TBC1D16: variants seen among roughly 807,000 people sequenced by gnomAD.
TBC1D16 encodes the protein TBC1 domain family member 16.
In TBC1D16, 58 loss-of-function variants were observed where a neutral mutation model predicts 74.7. That is an observed-to-expected ratio of 0.78 (90% CI 0.63 to 0.97). The LOEUF is 0.97. TBC1D16 is among the 50% of genes least tolerant of loss of function. The pLI is 0.00. For missense variants in TBC1D16, 1,014 were observed against 1,079.5 expected (o/e 0.94, Z 0.85); for synonymous variants, 493 against 474.7 (o/e 1.04, Z -0.50).
At position 80,013,419 on chromosome 17, in the gene TBC1D16, A is replaced by G. The variant is rs1373797761; in HGVS notation, c.129T>C (p.Asn43=). The G allele has an allele frequency of 3.1e-6, 5 of 1,608,412 alleles. No homozygotes were observed. Among genetic ancestry groups the G allele is most frequent in the Admixed American group, 3.4e-5 (2 of 59,326 alleles). ...GCCCCTCCGGCGGGTGCACGCAGAC[A>G]TTGTTCTTGGAGTAGATGATCTCTC... ...LDGEIIYSKN[N]VCVHPPEGLQ... The change falls in exon 2 of 12, where the codon AAT becomes AAC. Residue 43 remains asparagine, a synonymous_variant. Coordinates refer to ENST00000310924, the MANE Select transcript of TBC1D16 (RefSeq NM_019020.4).
chr17:79,995,352 T>C (rs1568620443), intron 3 of TBC1D16, among the ~76,000 whole-genome samples: 2 of 151,944 alleles, frequency 1.3e-5, no homozygotes, highest in African/African-American at 4.8e-5. Context: ...CAACTGATAT[T>C]GGACAAAAGA....
In TBC1D16 at chr17:79,949,120, G is replaced by A; in HGVS notation, c.1407-114C>T. On this transcript the variant is annotated intron_variant, in intron 7 of 11. Transcript: ENST00000310924. Reference sequence around the variant, plus strand: ...CCCAACCCCCGTTCCCTGGACGGGAGCTGGGCGGCTGCTGCCGGCTGCAGA... The same window carrying A: ...CCCAACCCCCGTTCCCTGGACGGGAACTGGGCGGCTGCTGCCGGCTGCAGA... The A allele has an allele frequency of 2.1e-6, 3 of 1,425,042 alleles. No individual in the cohort carries two copies. In the South Asian group the frequency reaches 3.8e-5, roughly 18 times the overall value. The allele number at this position is 1,425,042 out of a possible 1,614,324, so 88.3% of individuals were successfully genotyped here.
rs1001884032 is a variant in TBC1D16 at position 80,002,926 on chromosome 17, C to T, written c.779+7234G>A. On this transcript the variant is annotated intron_variant, in intron 3 of 11. Coordinates refer to ENST00000310924, the MANE Select transcript of TBC1D16 (RefSeq NM_019020.4). The stretch of plus-strand genomic sequence containing the variant: ...GGTGGCGCACGTAGGGAACACCACG[C>T]GGCCTTGATAGGAGCTCTCCAGAGA... Among the ~76,000 whole-genome samples, 8 of 152,292 alleles carry T rather than the reference C, an allele frequency of 5.3e-5. No homozygotes were observed. In the East Asian group the frequency reaches 1.5e-3, roughly 30 times the overall value.
chr17:79,944,071 G>T lies in TBC1D16; in HGVS notation c.1908+837C>A. 4.6e-6 allele frequency: 7 copies of T among 1,536,008 alleles called. No homozygotes were observed. Among genetic ancestry groups the T allele is most frequent in the Non-Finnish European group, 6.1e-6 (7 of 1,146,846 alleles). ...AAGGCGGCGTGTGGTACCGGCACTC[G>T]GTGGCTTCAGACTCGCTTTCATCAG... On this transcript the variant is annotated intron_variant, in intron 10 of 11. Coordinates refer to ENST00000310924, the MANE Select transcript of TBC1D16 (RefSeq NM_019020.4). The surrounding 1 kb of genome is among the most constrained non-coding windows in gnomAD (Gnocchi z 7.7).
intron 1 of TBC1D16, among the ~76,000 whole-genome samples, chr17:80,023,657 G>GCCCCC (rs200450567): frequency 2.8e-5 from 4 of 144,304 alleles, no homozygotes; most frequent in African/African-American, 1.1e-4. Context: ...CTGCTGCCGG[G>GCCCCC]CCCCCCCCCA....
chr17:79,944,948 T>C lies in TBC1D16; in HGVS notation c.1868A>G (p.Glu623Gly). 1 of 1,554,420 alleles carries C rather than the reference T, an allele frequency of 6.4e-7. No homozygotes were observed. The highest frequency in any genetic ancestry group is 2.4e-5 in the East Asian group (1 of 41,592). The change falls in exon 10 of 12, where the codon GAA becomes GGA. Residue 623 changes from glutamate to glycine, a missense_variant. Physicochemically the swap from Glu to Gly is moderately conservative, Grantham distance 98. Transcript: ENST00000310924. The surrounding 1 kb of genome is among the most constrained non-coding windows in gnomAD (Gnocchi z 7.7). The stretch of plus-strand genomic sequence containing the variant: ...GCAGGCCTCCCAGATCCGCAGCGCT[T>C]CGGCCTCGGGGAACTCCCGCTTGAA... ...LCFKREFPEA[E>G]ALRIWEACWA...
chr17:80,022,444 C>G (rs1598439014), intron 1 of TBC1D16, among the ~76,000 whole-genome samples: 1 of 149,690 alleles, frequency 6.7e-6, no homozygotes, highest in Non-Finnish European at 1.5e-5. Context: ...TCAAGTGATT[C>G]TCCTGCCTCA....
Position 79,948,883 on chromosome 17 carries a change from C to T in TBC1D16, c.1530G>A (p.Val510=). ...TGGGGAGGGAGTACCTCATGCTCTCCACATTGGGATTGTCTTCCCCCCGGA... is the reference window on the plus strand; with the variant it reads ...TGGGGAGGGAGTACCTCATGCTCTCTACATTGGGATTGTCTTCCCCCCGGA... ...QFFRGEDNPN[V]ESMRRILLNY... is the part of the protein sequence containing the mutation. The change falls in exon 8 of 12, where the codon GTG becomes GTA. Residue 510 remains valine (V), a synonymous_variant. Transcript: ENST00000310924. 1.2e-6 allele frequency: 2 copies of T among 1,614,110 alleles called. No homozygotes were observed. Among genetic ancestry groups the T allele is most frequent in the Non-Finnish European group, 1.7e-6 (2 of 1,179,984 alleles).
intron 3 of TBC1D16, among the ~76,000 whole-genome samples, chr17:79,995,508 G>A (rs563286747): frequency 4.0e-5 from 6 of 151,788 alleles, no homozygotes; most frequent in South Asian, 4.2e-4. Context: ...AGGATCGGCC[G>A]GGCGCGGTGG....
rs779376111 is a variant in TBC1D16 at position 79,941,140 on chromosome 17, C to T, written c.2056-33G>A. On this transcript the variant is annotated intron_variant, in intron 11 of 11. Coordinates refer to ENST00000310924, the MANE Select transcript of TBC1D16 (RefSeq NM_019020.4). The surrounding 1 kb of genome is among the most constrained non-coding windows in gnomAD (Gnocchi z 4.3). ...CAGAGGACGGGGGGTGAGGAGGGGC[C>T]GGGGGACAGCCTGGCAGCCTAGGGT... 8.5e-6 allele frequency: 13 copies of T among 1,523,474 alleles called. No individual in the cohort carries two copies. Among genetic ancestry groups the T allele is most frequent in the Middle Eastern group, 2.0e-4 (1 of 5,122 alleles). The allele number at this position is 1,523,474 out of a possible 1,614,324, so 94.4% of individuals were successfully genotyped here. A position where few individuals can be genotyped will look rare whatever the true frequency, so the allele number is the denominator to read the frequency against.
Position 80,018,524 on chromosome 17 carries a change from C to T in TBC1D16, c.-62-4915G>A, listed in dbSNP as rs879310494. ...GTCTCGATCTCCTGACCTCGTGATCCGCCTGCCTCGGCCTCCCAAAGTGCT... is the reference window on the plus strand; with the variant it reads ...GTCTCGATCTCCTGACCTCGTGATCTGCCTGCCTCGGCCTCCCAAAGTGCT... On this transcript the variant is annotated intron_variant, in intron 1 of 11. Transcript: ENST00000310924. 9.2e-4 allele frequency among the ~76,000 whole-genome samples: 138 copies of T among 149,842 alleles called. 4 individuals carry two copies. The highest frequency in any genetic ancestry group is 1.6e-3 in the Non-Finnish European group (110 of 68,012).
In TBC1D16 at chr17:79,932,575, C is replaced by G. The variant is rs2031319963; in HGVS notation, c.*8284G>C. 1 of 152,254 alleles carries G rather than the reference C, an allele frequency of 6.6e-6. No individual in the cohort carries two copies. The highest frequency in any genetic ancestry group is 1.9e-4 in the East Asian group (1 of 5,192). 9.4% of individuals were successfully genotyped at this position (152,254 alleles called of 1,614,324 possible). A position where few individuals can be genotyped will look rare whatever the true frequency, so the allele number is the denominator to read the frequency against. ...ACTCTACTGTCAGATTTTAAAACTG[C>G]TAGACCATGTGCCAATTCACATTGA... On this transcript the variant is annotated 3_prime_UTR_variant, in exon 12 of 12. Coordinates refer to ENST00000310924, the MANE Select transcript of TBC1D16 (RefSeq NM_019020.4).
rs1442103252 is a variant in TBC1D16 at position 79,943,847 on chromosome 17, CA to C, written c.1908+1060del. 2.2e-6 allele frequency: 3 copies of C among 1,378,084 alleles called. No homozygotes were observed. In the African/African-American group the frequency reaches 4.4e-5, roughly 20 times the overall value. The allele number at this position is 1,378,084 out of a possible 1,614,324, so 85.4% of individuals were successfully genotyped here. ...CCTGAACGTAAAGGAATGAGGGCGG[CA>C]AATCTGCCACTGGGAAAACGTGCAA... On this transcript the variant is annotated intron_variant, in intron 10 of 11. Coordinates refer to ENST00000310924, the MANE Select transcript of TBC1D16 (RefSeq NM_019020.4).
At chr17:79,991,459 G>T (rs1014124155) in intron 3 of TBC1D16, among the ~76,000 whole-genome samples, 1 of 152,190 alleles carries the variant, frequency 6.6e-6, no homozygotes, top group African/African-American at 2.4e-5. Flanking sequence ...AGGGAAGGCA[G>T]AAGGCTGCTA....
intron 3 of TBC1D16, among the ~76,000 whole-genome samples, chr17:79,970,461 G>A (rs775614661): frequency 2.6e-5 from 4 of 152,178 alleles, no homozygotes; most frequent in South Asian, 2.1e-4. Context: ...GCTCTCTCCC[G>A]TCTGATTTAT....
rs925650669 is a variant in TBC1D16 at position 80,007,117 on chromosome 17, G to A, written c.779+3043C>T. Among the ~76,000 whole-genome samples the A allele has an allele frequency of 6.6e-6, 1 of 152,150 alleles. No individual in the cohort carries two copies. Among genetic ancestry groups the A allele is most frequent in the African/African-American group, 2.4e-5 (1 of 41,434 alleles). ...TCGTCCCAGCACAAAGCTGCAACTC[G>A]CCACGTTCAGCGAGCCTCCCCTGGA... On this transcript the variant is annotated intron_variant, in intron 3 of 11. Coordinates refer to ENST00000310924, the MANE Select transcript of TBC1D16 (RefSeq NM_019020.4). This position sits in a 1 kb window ranked among gnomAD's most constrained non-coding sequence, Gnocchi z 4.5.
At chr17:79,962,534 GTACA>G (rs1175248429) in intron 3 of TBC1D16, among the ~76,000 whole-genome samples, 1 of 151,814 alleles carries the variant, frequency 6.6e-6, no homozygotes, top group Non-Finnish European at 1.5e-5. Context: ...ATTTTTAAAT[GTACA>G]GTTCAGGTAT....
chr17:79,975,021 A>C lies in TBC1D16; in HGVS notation c.780-22203T>G, dbSNP rs1204944020. 6.6e-6 allele frequency among the ~76,000 whole-genome samples: 1 copy of C among 152,124 alleles called. No homozygotes were observed. Among genetic ancestry groups the C allele is most frequent in the African/African-American group, 2.4e-5 (1 of 41,426 alleles). On this transcript the variant is annotated intron_variant, in intron 3 of 11. Coordinates refer to ENST00000310924, the MANE Select transcript of TBC1D16 (RefSeq NM_019020.4). The surrounding 1 kb of genome is among the most constrained non-coding windows in gnomAD (Gnocchi z 4.5). ...GCCACTGCGCCCTCTATAGGTAAGA[A>C]GGCCCAAGGAAGAAGCCCTCTGCTC...
chr17:79,945,091 G>T lies in TBC1D16; in HGVS notation c.1729-4C>A, dbSNP rs955309147. On this transcript the variant is annotated splice_region_variant and splice_polypyrimidine_tract_variant and intron_variant, in intron 9 of 11. Transcript: ENST00000310924. ...GCAGCAGCTCGCGCAGGTACAGCTGGGGGTGAGGCCGTCACGCGTTAGTTA... is the reference window on the plus strand; with the variant it reads ...GCAGCAGCTCGCGCAGGTACAGCTGTGGGTGAGGCCGTCACGCGTTAGTTA... The T allele has an allele frequency of 5.1e-6, 8 of 1,576,104 alleles. No individual in the cohort carries two copies. Among genetic ancestry groups the T allele is most frequent in the Non-Finnish European group, 6.9e-6 (8 of 1,162,072 alleles).
Sources: gnomAD v4.1 joint callset for allele counts (sites outside exome capture counted in the v4.1 genomes callset) on GRCh38, gnomAD v4.1.1 for gene constraint, Gnocchi (gnomAD v3.1) non-coding constraint, MANE v1.5 for transcripts, NCBI Gene and HGNC (gene_info 2026-07-23, HGNC 2026-07-21) for gene names.